GABRG3: variants seen among roughly 807,000 people sequenced by gnomAD.
The protein encoded by GABRG3 is gamma-aminobutyric acid type A receptor subunit gamma3.
In GABRG3, 25 loss-of-function variants were observed where a neutral mutation model predicts 48.8. The observed-to-expected ratio is 0.51, with a 90% CI of 0.37 to 0.72. The LOEUF is 0.72. Ranked by LOEUF, GABRG3 falls within the 30% of genes least tolerant of loss-of-function variation. The pLI, the probability that GABRG3 is intolerant of heterozygous loss-of-function variation, is 0.00. For missense variants in GABRG3, 394 were observed against 577.9 expected (o/e 0.68, Z 3.26); for synonymous variants, 227 against 217.6 (o/e 1.04, Z -0.38).
intron 3 of GABRG3, among the ~76,000 whole-genome samples, chr15:27,163,602 G>A (rs1235589890): frequency 6.6e-6 from 1 of 152,100 alleles, no homozygotes; most frequent in Non-Finnish European, 1.5e-5. Flanking sequence ...GTGAGCCTAC[G>A]ATTGTGCCAC....
intron 5 of GABRG3, among the ~76,000 whole-genome samples, chr15:27,451,232 C>A (rs533525253): frequency 2.0e-5 from 3 of 152,200 alleles, no homozygotes; most frequent in African/African-American, 7.2e-5. Flanking sequence ...ATATCCAGAA[C>A]AATTCTCATA....
chr15:27,167,605 G>C lies in GABRG3; in HGVS notation c.270+140784G>C, dbSNP rs969519236. Among the ~76,000 whole-genome samples, 2 of 152,076 alleles carry C rather than the reference G, an allele frequency of 1.3e-5. 1 individual carries two copies. ...ACTACTAGTTGGAGCTCAAAAATGA[G>C]ACCCCTCTCAAGGGCGCCCACCTGG... On this transcript the variant is annotated intron_variant, in intron 3 of 9. Transcript: ENST00000615808.
rs549091457 is a variant in GABRG3 at position 27,501,091 on chromosome 15, A to G, written c.713-18881A>G. 4.6e-5 allele frequency among the ~76,000 whole-genome samples: 7 copies of G among 151,864 alleles called. No homozygotes were observed. The South Asian group carries it at 1.0e-3, about 23-fold the overall frequency. ...CTCAGCCTCCCGAGTAGCTGGGACT[A>G]CAGGCGCCCGCCACCACGCCCAGCA... On this transcript the variant is annotated intron_variant, in intron 6 of 9. Coordinates refer to ENST00000615808, the MANE Select transcript of GABRG3 (RefSeq NM_033223.5).
At chr15:27,410,936 A>G (rs1271928623) in intron 5 of GABRG3, among the ~76,000 whole-genome samples, 8 of 151,386 alleles carry the variant, frequency 5.3e-5, no homozygotes, top group African/African-American at 1.9e-4. Flanking sequence ...GCCTGCCTTA[A>G]CCTTCATTCT....
intron 3 of GABRG3, among the ~76,000 whole-genome samples, chr15:27,239,359 T>A (rs939163245): frequency 2.6e-5 from 4 of 152,198 alleles, no homozygotes; most frequent in Non-Finnish European, 5.9e-5. Context: ...TTTGTCAAGG[T>A]TTTCTCAACA....
intron 5 of GABRG3, among the ~76,000 whole-genome samples, chr15:27,467,212 C>T (rs966478832): frequency 1.3e-5 from 2 of 151,996 alleles, no homozygotes; most frequent in Non-Finnish European, 1.5e-5. Flanking sequence ...GGAGAAACAT[C>T]ATCTCTTTCA....
intron 2 of GABRG3, among the ~76,000 whole-genome samples, chr15:27,007,893 GA>G: frequency 6.6e-6 from 1 of 152,194 alleles, no homozygotes; most frequent in Non-Finnish European, 1.5e-5. Context: ...TTACTCTGCA[GA>G]AGCTCTTTAG....
intron 3 of GABRG3, among the ~76,000 whole-genome samples, chr15:27,318,562 C>G (rs1201628396): frequency 2.0e-5 from 3 of 152,182 alleles, no homozygotes; most frequent in Non-Finnish European, 4.4e-5. Flanking sequence ...CAGCCCATCC[C>G]TAGGGCCGAT....
intron 3 of GABRG3, among the ~76,000 whole-genome samples, chr15:27,162,444 C>G (rs925050744): frequency 3.9e-5 from 6 of 152,162 alleles, no homozygotes; most frequent in African/African-American, 1.4e-4. Flanking sequence ...AAGTGAATAT[C>G]TCCTCCCTGT....
intron 2 of GABRG3, among the ~76,000 whole-genome samples, chr15:26,995,670 T>C (rs1895327915): frequency 6.6e-6 from 1 of 152,042 alleles, no homozygotes; most frequent in Non-Finnish European, 1.5e-5. Context: ...GCAATATACA[T>C]GTCATTGAAA....
chr15:27,360,585 C>T (rs758521932), intron 5 of GABRG3, among the ~76,000 whole-genome samples: 18 of 152,152 alleles, frequency 1.2e-4, no homozygotes, highest in Non-Finnish European at 1.9e-4. Context: ...TTCCCCAATC[C>T]GAGATGGGCC....
At chr15:27,443,027 C>A (rs72707632) in intron 5 of GABRG3, among the ~76,000 whole-genome samples, 2,369 of 152,256 alleles carry the variant, frequency 0.016, 44 homozygotes, top group South Asian at 0.084. Context: ...GTCAGTCCCC[C>A]AAATCCCTGT....
chr15:27,161,106 C>G (rs2140403908), intron 3 of GABRG3: 1 of 152,254 alleles, frequency 6.6e-6, no homozygotes, highest in Non-Finnish European at 1.5e-5. Context: ...ATCTTGAGTT[C>G]TCTTTCTTCT....
intron 3 of GABRG3, among the ~76,000 whole-genome samples, chr15:27,187,733 TTTA>T (rs1433416787): frequency 1.3e-5 from 2 of 152,060 alleles, no homozygotes; most frequent in Non-Finnish European, 2.9e-5. Flanking sequence ...TTTATTTTAT[TTTA>T]TTATTATACT....
At chr15:27,325,567 A>G (rs1893585989) in intron 3 of GABRG3, among the ~76,000 whole-genome samples, 1 of 152,186 alleles carries the variant, frequency 6.6e-6, no homozygotes, top group South Asian at 2.1e-4. Context: ...TGAATCCTTA[A>G]TAATACACCA....
chr15:27,383,410 G>A (rs1895835115), intron 5 of GABRG3, among the ~76,000 whole-genome samples: 1 of 152,160 alleles, frequency 6.6e-6, no homozygotes, highest in Non-Finnish European at 1.5e-5. Context: ...TAGAAACTAG[G>A]AGACTGCACG....
intron 6 of GABRG3, among the ~76,000 whole-genome samples, chr15:27,508,578 C>A (rs149683215): frequency 5.5e-4 from 84 of 152,332 alleles, no homozygotes; most frequent in African/African-American, 1.8e-3. Flanking sequence ...CTCTTCATTT[C>A]TTTGCATGTA....
intron 3 of GABRG3, among the ~76,000 whole-genome samples, chr15:27,152,442 TA>T (rs1898334672): frequency 2.0e-5 from 3 of 152,232 alleles, no homozygotes; most frequent in Admixed American, 2.0e-4. Context: ...TTAAAAATTT[TA>T]AAAAATTGGT....
At chr15:27,213,649 A>G (rs1031758047) in intron 3 of GABRG3, among the ~76,000 whole-genome samples, 3 of 152,226 alleles carry the variant, frequency 2.0e-5, no homozygotes, top group Non-Finnish European at 4.4e-5. Context: ...GCAGGGGCTC[A>G]TCCAAAACAG....
Sources: allele counts gnomAD v4.1 joint callset (sites outside exome capture counted in the v4.1 genomes callset), GRCh38; gene constraint gnomAD v4.1.1; transcripts MANE v1.5; gene names NCBI Gene and HGNC (gene_info 2026-07-23, HGNC 2026-07-21).